HTR4: variants seen among roughly 807,000 people sequenced by gnomAD.
HTR4 encodes the protein 5-hydroxytryptamine (serotonin) receptor 4, G protein-coupled.
In HTR4, 16 loss-of-function variants were observed where a neutral mutation model predicts 36.8. That is an observed-to-expected ratio of 0.43 (90% CI 0.29 to 0.66). The LOEUF is 0.66. Ranked by LOEUF, HTR4 falls within the 30% of genes least tolerant of loss-of-function variation. HTR4 has a pLI of 0.13. For synonymous variants in HTR4, 189 were observed against 185.1 expected (o/e 1.02, Z -0.17); for missense variants, 438 against 490.9 (o/e 0.89, Z 1.02).
intron 2 of HTR4, among the ~76,000 whole-genome samples, chr5:148,615,290 A>C (rs887039072): frequency 1.3e-5 from 2 of 152,170 alleles, no homozygotes; most frequent in African/African-American, 4.8e-5. Flanking sequence ...CAAATGTCCA[A>C]CATTGATAGA....
intron 6 of HTR4, among the ~76,000 whole-genome samples, chr5:148,505,047 C>T (rs1450516236): frequency 6.6e-6 from 1 of 152,236 alleles, no homozygotes; most frequent in South Asian, 2.1e-4. Flanking sequence ...GATTCACAGT[C>T]GAATTCTACC....
At chr5:148,490,765 C>T (rs1224352399) in intron 6 of HTR4, 3 of 1,185,124 alleles carry the variant, frequency 2.5e-6, no homozygotes, top group South Asian at 2.6e-5. Context: ...AATACATGTT[C>T]TTATAACCTC....
At chr5:148,511,804 G>T (rs901154318) in intron 5 of HTR4, among the ~76,000 whole-genome samples, 2 of 151,982 alleles carry the variant, frequency 1.3e-5, no homozygotes, top group Admixed American at 6.6e-5. Flanking sequence ...CCACATGCTC[G>T]CCAACATTTG....
intron 4 of HTR4, among the ~76,000 whole-genome samples, chr5:148,537,217 T>A (rs1051581198): frequency 2.6e-5 from 4 of 152,050 alleles, no homozygotes; most frequent in Non-Finnish European, 2.9e-5. Context: ...CATACCAGGA[T>A]CTATGGAACA....
chr5:148,500,407 A>G (rs1434529815), intron 6 of HTR4, among the ~76,000 whole-genome samples: 1 of 152,082 alleles, frequency 6.6e-6, no homozygotes, highest in Non-Finnish European at 1.5e-5. Context: ...GAGACTGGGA[A>G]AAAGTTGCTG....
intron 6 of HTR4, among the ~76,000 whole-genome samples, chr5:148,492,128 C>A (rs982898142): frequency 2.6e-5 from 4 of 152,196 alleles, no homozygotes; most frequent in African/African-American, 9.6e-5. Flanking sequence ...CATGCATAAT[C>A]CCTTTTTACT....
intron 5 of HTR4, among the ~76,000 whole-genome samples, chr5:148,469,751 G>T (rs1255991682): frequency 6.6e-6 from 1 of 152,184 alleles, no homozygotes; most frequent in African/African-American, 2.4e-5. Flanking sequence ...TGCCTGCCTT[G>T]TCAGGCTCCT....
chr5:148,513,384 G>A (rs148221962), intron 5 of HTR4, among the ~76,000 whole-genome samples: 1 of 152,294 alleles, frequency 6.6e-6, no homozygotes, highest in Non-Finnish European at 1.5e-5. Flanking sequence ...CCTGCAGCAT[G>A]TATTGAAAGG....
chr5:148,592,826 C>G (rs1202351610), intron 2 of HTR4, among the ~76,000 whole-genome samples: 1 of 152,062 alleles, frequency 6.6e-6, no homozygotes, highest in Non-Finnish European at 1.5e-5. Flanking sequence ...TATCTCTGTA[C>G]TACCACTTTG....
At chr5:148,516,005 T>C (rs1360064449) in intron 5 of HTR4, among the ~76,000 whole-genome samples, 1 of 150,338 alleles carries the variant, frequency 6.7e-6, no homozygotes, top group Admixed American at 6.7e-5. Flanking sequence ...TATACACATA[T>C]ACATATATGT....
intron 6 of HTR4, among the ~76,000 whole-genome samples, chr5:148,502,462 A>C (rs999942902): frequency 1.3e-5 from 2 of 152,198 alleles, no homozygotes; most frequent in Non-Finnish European, 1.5e-5. Context: ...GAAAACTGAA[A>C]AACAGAAAGG....
intron 6 of HTR4, among the ~76,000 whole-genome samples, chr5:148,499,420 A>T (rs1351788809): frequency 1.3e-5 from 2 of 152,112 alleles, no homozygotes; most frequent in African/African-American, 2.4e-5. Context: ...TTATACATGC[A>T]GCTAGAAATT....
chr5:148,513,918 T>G (rs1476021124), intron 5 of HTR4, among the ~76,000 whole-genome samples: 1 of 152,208 alleles, frequency 6.6e-6, no homozygotes, highest in African/African-American at 2.4e-5. Flanking sequence ...TAATTGTTGC[T>G]AATATGTAGA....
intron 2 of HTR4, among the ~76,000 whole-genome samples, chr5:148,633,359 G>T (rs537604257): frequency 6.6e-6 from 1 of 151,388 alleles, no homozygotes; most frequent in Non-Finnish European, 1.5e-5. Flanking sequence ...ATAGCGCATT[G>T]TATGTATCTT....
At chr5:148,567,277 A>T (rs1250587091) in intron 2 of HTR4, among the ~76,000 whole-genome samples, 1 of 151,956 alleles carries the variant, frequency 6.6e-6, no homozygotes, top group Non-Finnish European at 1.5e-5. Context: ...CCTGAATCTA[A>T]CCACTTCTCA....
intron 2 of HTR4, among the ~76,000 whole-genome samples, chr5:148,611,724 C>A (rs949858539): frequency 3.3e-5 from 5 of 151,930 alleles, no homozygotes; most frequent in Non-Finnish European, 7.4e-5. Flanking sequence ...TTAAAAGACA[C>A]AGACTGGCAA....
chr5:148,535,159 G>A (rs539125003), intron 4 of HTR4, among the ~76,000 whole-genome samples: 1 of 152,226 alleles, frequency 6.6e-6, no homozygotes, highest in African/African-American at 2.4e-5. Flanking sequence ...CCAAAGACAA[G>A]AAGTCAGCTT....
intron 6 of HTR4, among the ~76,000 whole-genome samples, chr5:148,486,433 G>A (rs1330566451): frequency 6.6e-6 from 1 of 152,162 alleles, no homozygotes; most frequent in Non-Finnish European, 1.5e-5. Flanking sequence ...GCAGCAGAGT[G>A]TAGCAACCAG....
intron 2 of HTR4, among the ~76,000 whole-genome samples, chr5:148,615,857 C>G (rs1485810996): frequency 6.6e-6 from 1 of 152,122 alleles, no homozygotes; most frequent in Non-Finnish European, 1.5e-5. Context: ...CCAGCGGGAG[C>G]CAAAATACTT....
Sources: gnomAD v4.1 joint callset for allele counts (sites outside exome capture counted in the v4.1 genomes callset) on GRCh38, gnomAD v4.1.1 for gene constraint, MANE v1.5 for transcripts, NCBI Gene and HGNC (gene_info 2026-07-23, HGNC 2026-07-21) for gene names.